The following NTM variants were observed in gnomAD, a reference collection of about 807,000 sequenced individuals.
NTM encodes neurotrimin.
In NTM, 13 loss-of-function variants were observed where a neutral mutation model predicts 42.1. That is an observed-to-expected ratio of 0.31 (90% CI 0.20 to 0.49). The LOEUF (loss-of-function observed/expected upper bound fraction) is 0.49. Ranked by LOEUF, NTM falls within the 20% of genes least tolerant of loss-of-function variation. The probability of loss-of-function intolerance (pLI) is 0.99; values close to 1 mark genes in which losing one functional copy is unlikely to be tolerated. For synonymous variants in NTM, 187 were observed against 179.2 expected, an observed-to-expected ratio of 1.04 and a Z score of -0.35; for missense variants, 373 against 452.8, an observed-to-expected ratio of 0.82 and a Z score of 1.60.
intron 2 of NTM, among the ~76,000 whole-genome samples, chr11:131,978,146 A>G (rs566574808): frequency 6.6e-6 from 1 of 152,296 alleles, no homozygotes; most frequent in East Asian, 1.9e-4. Context: ...AGTGAGATAA[A>G]AAGGCTGCTT....
intron 1 of NTM, among the ~76,000 whole-genome samples, chr11:131,731,675 C>T (rs927799647): frequency 6.6e-6 from 1 of 152,172 alleles, no homozygotes. Flanking sequence ...CAGAGCAAAA[C>T]TGGCCTGAAC....
chr11:131,506,946 C>T (rs990956375), intron 1 of NTM, among the ~76,000 whole-genome samples: 5 of 151,990 alleles, frequency 3.3e-5, no homozygotes, highest in Admixed American at 3.3e-4. Flanking sequence ...AACTTGATGC[C>T]CCAGGGTATT....
chr11:131,791,787 G>T (rs1488522131), intron 1 of NTM, among the ~76,000 whole-genome samples: 1 of 152,224 alleles, frequency 6.6e-6, no homozygotes, highest in Non-Finnish European at 1.5e-5. Context: ...CTTAGAAGAC[G>T]AAGTGTTACC....
intron 2 of NTM, among the ~76,000 whole-genome samples, chr11:132,043,560 G>A (rs558253640): frequency 9.2e-5 from 14 of 152,316 alleles, no homozygotes; most frequent in African/African-American, 3.4e-4. Flanking sequence ...GACTCAGCCA[G>A]TTTTTACAGA....
intron 1 of NTM, among the ~76,000 whole-genome samples, chr11:131,491,965 C>T (rs10160819): frequency 1.4e-4 from 22 of 152,282 alleles, no homozygotes; most frequent in South Asian, 8.3e-4. Flanking sequence ...TATGTATTAA[C>T]GCATATGATC....
intron 1 of NTM, among the ~76,000 whole-genome samples, chr11:131,639,969 A>G (rs2064925412): frequency 7.0e-6 from 1 of 142,684 alleles, no homozygotes; most frequent in Non-Finnish European, 1.6e-5. Context: ...AAATAAAAAT[A>G]AAAATAAATA....
chr11:132,186,907 G>T (rs908362582), intron 3 of NTM, among the ~76,000 whole-genome samples: 1 of 152,104 alleles, frequency 6.6e-6, no homozygotes, highest in Non-Finnish European at 1.5e-5. Flanking sequence ...GCTAGGTGGC[G>T]CCCTGTGGAG....
intron 1 of NTM, among the ~76,000 whole-genome samples, chr11:131,690,545 C>A (rs1341707704): frequency 6.6e-6 from 1 of 152,244 alleles, no homozygotes; most frequent in Non-Finnish European, 1.5e-5. Context: ...CACGCTTACC[C>A]GGAAGGGAAA....
intron 2 of NTM, among the ~76,000 whole-genome samples, chr11:132,049,581 G>A (rs2078555815): frequency 6.6e-6 from 1 of 152,198 alleles, no homozygotes; most frequent in Non-Finnish European, 1.5e-5. Context: ...CCTTGGCTGT[G>A]AGCTGGGAGT....
chr11:132,186,024 A>G (rs1298317606), intron 3 of NTM, among the ~76,000 whole-genome samples: 2 of 152,230 alleles, frequency 1.3e-5, no homozygotes, highest in African/African-American at 4.8e-5. Flanking sequence ...GGAAGAATGA[A>G]GTCAAATCTA....
intron 2 of NTM, among the ~76,000 whole-genome samples, chr11:132,101,195 C>T (rs1053028884): frequency 6.6e-6 from 1 of 152,136 alleles, no homozygotes; most frequent in African/African-American, 2.4e-5. Context: ...CTGCCCTCCC[C>T]ACCCTTTATT....
chr11:131,882,659 T>C (rs982801449), intron 1 of NTM, among the ~76,000 whole-genome samples: 1 of 151,932 alleles, frequency 6.6e-6, no homozygotes, highest in African/African-American at 2.4e-5. Context: ...CCTTCCATGA[T>C]GGGAGAAGTT....
chr11:131,420,854 A>C (rs1254049019), intron 1 of NTM, among the ~76,000 whole-genome samples: 1 of 152,264 alleles, frequency 6.6e-6, no homozygotes, highest in East Asian at 1.9e-4. Context: ...ATGTCTTTAG[A>C]ACCAGCATTT....
At chr11:131,923,607 G>A (rs1259209467) in intron 2 of NTM, among the ~76,000 whole-genome samples, 2 of 152,108 alleles carry the variant, frequency 1.3e-5, no homozygotes, top group African/African-American at 4.8e-5. Flanking sequence ...ATCCACTTTT[G>A]CAAGGGGTTT....
In NTM at chr11:131,994,014, A is replaced by G. The variant is rs544355166; in HGVS notation, c.167+82366A>G. ...TTGAAACTCCATCTCCAAAAAAAAA[A>G]AAAAAGAAGAAGAAGAAGAAGAACA... is the stretch of plus-strand genomic sequence containing the variant. On this transcript the variant is annotated intron_variant, in intron 2 of 8. Coordinates refer to ENST00000683400, the MANE Select transcript of NTM (RefSeq NM_001352005.2). Among the ~76,000 whole-genome samples the G allele has an allele frequency of 2.2e-5, 3 of 133,398 alleles. No homozygotes were observed. The East Asian group carries it at 8.8e-4, about 39-fold the overall frequency. The allele number at this position is 133,398 out of a possible 152,430, so 87.5% of individuals were successfully genotyped here.
intron 2 of NTM, among the ~76,000 whole-genome samples, chr11:132,134,403 T>A (rs534399420): frequency 1.3e-5 from 2 of 151,966 alleles, no homozygotes; most frequent in Admixed American, 6.6e-5. Flanking sequence ...CAGTGGTAAT[T>A]TCTGAGCTTT....
chr11:131,546,307 G>C (rs2053937554), intron 1 of NTM, among the ~76,000 whole-genome samples: 1 of 152,124 alleles, frequency 6.6e-6, no homozygotes. Flanking sequence ...ACCCTGGATT[G>C]ATTTTATCTT....
chr11:132,146,153 A>G lies in NTM; in HGVS notation c.168-129A>G. 1 of 1,412,350 alleles carries G rather than the reference A, an allele frequency of 7.1e-7. No individual in the cohort carries two copies. Among genetic ancestry groups the G allele is most frequent in the Non-Finnish European group, 9.5e-7 (1 of 1,054,740 alleles). The allele number at this position is 1,412,350 out of a possible 1,614,324, so 87.5% of individuals were successfully genotyped here. On this transcript the variant is annotated intron_variant, in intron 2 of 8. Coordinates refer to ENST00000683400, the MANE Select transcript of NTM (RefSeq NM_001352005.2). The surrounding 1 kb of genome is among the most constrained non-coding windows in gnomAD (Gnocchi z 4.5). ...TTCCAGAAAAGTCCACCCCTGACAA[A>G]TCAAAGGAAATGTATGTGTTGGGGG...
intron 2 of NTM, among the ~76,000 whole-genome samples, chr11:132,023,146 A>G (rs939014375): frequency 6.6e-5 from 10 of 152,190 alleles, no homozygotes; most frequent in Non-Finnish European, 1.5e-4. Flanking sequence ...CACATTTACC[A>G]TAGACCCTAG....
Sources: allele counts gnomAD v4.1 joint callset (sites outside exome capture counted in the v4.1 genomes callset), GRCh38; gene constraint gnomAD v4.1.1; non-coding constraint Gnocchi (gnomAD v3.1); transcripts MANE v1.5; gene names NCBI Gene and HGNC (gene_info 2026-07-23, HGNC 2026-07-21).